The following NELL1 variants were observed in gnomAD, a reference collection of about 807,000 sequenced individuals.
NELL1 encodes protein kinase C-binding protein NELL1.
In NELL1, 76 loss-of-function variants were observed where a neutral mutation model predicts 107.4. That is an observed-to-expected ratio of 0.71 (90% confidence interval 0.59 to 0.86). The LOEUF is 0.86. NELL1 is among the 40% of genes least tolerant of loss of function. The probability of loss-of-function intolerance (pLI) is 0.00; values close to 1 mark genes in which losing one functional copy is unlikely to be tolerated. For synonymous variants in NELL1, 353 were observed against 341.2 expected (o/e 1.03, Z -0.38); for missense variants, 1,024 against 1,005.5 (o/e 1.02, Z -0.25).
chr11:20,723,084 C>T (rs1025770727), intron 2 of NELL1, among the ~76,000 whole-genome samples: 1 of 152,148 alleles, frequency 6.6e-6, no homozygotes, highest in African/African-American at 2.4e-5. Context: ...GTCGCCTCCC[C>T]TGACATGTGG....
At chr11:21,192,881 CT>C (rs1565103904) in intron 13 of NELL1, among the ~76,000 whole-genome samples, 1 of 151,864 alleles carries the variant, frequency 6.6e-6, no homozygotes, top group Non-Finnish European at 1.5e-5. Flanking sequence ...ACAAAATGTG[CT>C]CATCCATTTT....
In NELL1 at chr11:20,961,629, G is replaced by A. The variant is rs568137800; in HGVS notation, c.1300+1069G>A. ...ATTCTCTATCTCATAGTTGACCCTC[G>A]AACAACACGGGTTTAAACTTTGCAT... is the stretch of plus-strand genomic sequence containing the variant. On this transcript the variant is annotated intron_variant, in intron 12 of 19. Transcript: ENST00000357134. Among the ~76,000 whole-genome samples the A allele has an allele frequency of 1.2e-3, 190 of 152,060 alleles. 5 individuals are homozygous for A. Among genetic ancestry groups the A allele is most frequent in the Non-Finnish European group, 9.1e-4 (62 of 67,968 alleles).
At chr11:21,221,295 G>A (rs190651175) in intron 13 of NELL1, among the ~76,000 whole-genome samples, 1 of 152,224 alleles carries the variant, frequency 6.6e-6, no homozygotes, top group Admixed American at 6.5e-5. Context: ...GTATTTGGTC[G>A]AGGATTTTTG....
chr11:20,699,280 G>A (rs143434827), intron 2 of NELL1, among the ~76,000 whole-genome samples: 1 of 152,082 alleles, frequency 6.6e-6, no homozygotes, highest in Non-Finnish European at 1.5e-5. Flanking sequence ...CATCCATGTT[G>A]CTGTGAATGC....
chr11:21,146,492 T>C (rs1278881072), intron 13 of NELL1, among the ~76,000 whole-genome samples: 5 of 152,120 alleles, frequency 3.3e-5, no homozygotes, highest in Non-Finnish European at 7.4e-5. Context: ...TATCACCTCA[T>C]AGCTGTGGTC....
At chr11:21,037,070 G>T (rs1000050736) in intron 12 of NELL1, among the ~76,000 whole-genome samples, 1 of 151,910 alleles carries the variant, frequency 6.6e-6, no homozygotes, top group Non-Finnish European at 1.5e-5. Flanking sequence ...CCTGGATTAA[G>T]GATGTACCTG....
At chr11:21,365,139 A>G (rs1397218284) in intron 14 of NELL1, among the ~76,000 whole-genome samples, 1 of 152,206 alleles carries the variant, frequency 6.6e-6, no homozygotes, top group Non-Finnish European at 1.5e-5. Context: ...TGTTCGTGCT[A>G]CTGCAGTAGC....
At chr11:21,154,665 A>C (rs531065827) in intron 13 of NELL1, among the ~76,000 whole-genome samples, 14 of 152,312 alleles carry the variant, frequency 9.2e-5, no homozygotes, top group East Asian at 5.8e-4. Flanking sequence ...TGTAGAAAGG[A>C]AGAAGGAACA....
chr11:20,742,693 A>G (rs1215566073), intron 2 of NELL1, among the ~76,000 whole-genome samples: 1 of 152,274 alleles, frequency 6.6e-6, no homozygotes, highest in East Asian at 1.9e-4. Context: ...TCACAAGAAC[A>G]GCATGGGAAA....
Position 21,421,348 on chromosome 11 carries a change from TAGCCAATTTC to T in NELL1, c.1645+50404_1645+50413del, listed in dbSNP as rs1186791454. On this transcript the variant is annotated intron_variant, in intron 15 of 19. Coordinates refer to ENST00000357134, the MANE Select transcript of NELL1 (RefSeq NM_006157.5). ...TTGAACAATAAACCACCCTTAATTT[TAGCCAATTTC>T]AGCTCTTATCTGGAGGTAGCAACCC... Among the ~76,000 whole-genome samples the T allele has an allele frequency of 3.9e-5, 6 of 152,186 alleles. No individual in the cohort carries two copies. In the South Asian group the frequency reaches 8.3e-4, roughly 21 times the overall value.
At chr11:21,113,258 TA>T (rs1227271904) in intron 12 of NELL1, among the ~76,000 whole-genome samples, 4 of 152,042 alleles carry the variant, frequency 2.6e-5, no homozygotes, top group Admixed American at 2.6e-4. Context: ...TATTCATTGA[TA>T]TCGACTTAGT....
chr11:21,378,711 T>G (rs1851539817), intron 15 of NELL1, among the ~76,000 whole-genome samples: 1 of 135,630 alleles, frequency 7.4e-6, no homozygotes, highest in Non-Finnish European at 1.5e-5. Flanking sequence ...ACACACACAC[T>G]TGTACATTTT....
intron 3 of NELL1, among the ~76,000 whole-genome samples, chr11:20,834,326 A>G (rs557560128): frequency 1.3e-5 from 2 of 152,284 alleles, no homozygotes; most frequent in Admixed American, 1.3e-4. Context: ...CTGATATAGG[A>G]TATAATGGAT....
chr11:20,827,649 G>A (rs766761132), intron 3 of NELL1, among the ~76,000 whole-genome samples: 1 of 151,282 alleles, frequency 6.6e-6, no homozygotes, highest in Non-Finnish European at 1.5e-5. Flanking sequence ...CAGTACACAT[G>A]TATCAATTAC....
intron 16 of NELL1, among the ~76,000 whole-genome samples, chr11:21,546,423 G>A (rs1270392657): frequency 6.6e-6 from 1 of 151,916 alleles, no homozygotes; most frequent in East Asian, 1.9e-4. Flanking sequence ...ATATGGTTTG[G>A]CCATGTCCCC....
intron 15 of NELL1, among the ~76,000 whole-genome samples, chr11:21,531,463 T>C (rs1195768395): frequency 2.0e-5 from 3 of 152,188 alleles, no homozygotes; most frequent in African/African-American, 4.8e-5. Flanking sequence ...ATGTTAGTTA[T>C]TGTGTTGTCG....
chr11:21,064,336 A>G (rs1338911473), intron 12 of NELL1, among the ~76,000 whole-genome samples: 1 of 152,196 alleles, frequency 6.6e-6, no homozygotes, highest in African/African-American at 2.4e-5. Context: ...AAACAAGAAT[A>G]GAAGGAATAC....
At chr11:21,085,155 T>A (rs1329411531) in intron 12 of NELL1, among the ~76,000 whole-genome samples, 1 of 152,200 alleles carries the variant, frequency 6.6e-6, no homozygotes, top group Non-Finnish European at 1.5e-5. Flanking sequence ...TGAGTACCTA[T>A]AATATGTTCA....
At chr11:21,238,402 G>A (rs531555201) in intron 14 of NELL1, among the ~76,000 whole-genome samples, 1 of 151,990 alleles carries the variant, frequency 6.6e-6, no homozygotes, top group Non-Finnish European at 1.5e-5. Flanking sequence ...ATTATAATAT[G>A]ATAACTTCTA....
Sources: gnomAD v4.1 joint callset for allele counts (sites outside exome capture counted in the v4.1 genomes callset) on GRCh38, gnomAD v4.1.1 for gene constraint, MANE v1.5 for transcripts, NCBI Gene and HGNC (gene_info 2026-07-23, HGNC 2026-07-21) for gene names.